BIRC6: variants seen among roughly 807,000 people sequenced by gnomAD.
BIRC6 encodes the protein baculoviral IAP repeat containing 6.
Under a neutral mutation model 503.3 loss-of-function variants are expected in BIRC6, and 98 were observed. The ratio of observed to expected loss-of-function variants is 0.19; its 90% CI spans 0.17 to 0.23. The LOEUF (loss-of-function observed/expected upper bound fraction) is 0.23. BIRC6 is among the 10% of genes least tolerant of loss of function. BIRC6 has a pLI of 1.00. For synonymous variants in BIRC6, 2,240 were observed against 2,078.7 expected (o/e 1.08, Z -2.11); for missense variants, 5,360 against 5,806.0 (o/e 0.92, Z 2.50).
chr2:32,561,934 CG>C (rs1171015559), intron 65 of BIRC6, among the ~76,000 whole-genome samples: 1 of 151,470 alleles, frequency 6.6e-6, no homozygotes, highest in Non-Finnish European at 1.5e-5. Context: ...CGCAGCTACT[CG>C]GGAGGCTGAG....
In BIRC6 at chr2:32,380,140, ATTT is replaced by A. The variant is rs759929984; in HGVS notation, c.508-9_508-7del. The stretch of plus-strand genomic sequence containing the variant: ...ATTTTCTGTGATTTTTTTATTTTTT[ATTT>A]TTTATTTAGGCACAGCAGCTCTTAT... On this transcript the variant is annotated splice_polypyrimidine_tract_variant and intron_variant, in intron 2 of 73. Transcript: ENST00000421745. 62 of 1,469,192 alleles carry A rather than the reference ATTT, an allele frequency of 4.2e-5. No individual in the cohort carries two copies. The African/African-American group carries it at 8.2e-4, about 19-fold the overall frequency. The allele number at this position is 1,469,192 out of a possible 1,614,324, so 91.0% of individuals were successfully genotyped here. A position where few individuals can be genotyped will look rare whatever the true frequency, so the allele number is the denominator to read the frequency against.
At chr2:32,369,531 G>C (rs1454222867) in intron 1 of BIRC6, among the ~76,000 whole-genome samples, 1 of 150,854 alleles carries the variant, frequency 6.6e-6, no homozygotes, top group African/African-American at 2.4e-5. Context: ...GGGTTCAAGC[G>C]TTTCTTCTGC....
intron 1 of BIRC6, among the ~76,000 whole-genome samples, chr2:32,365,767 T>A (rs941588419): frequency 6.6e-6 from 1 of 152,132 alleles, no homozygotes; most frequent in Non-Finnish European, 1.5e-5. Flanking sequence ...GTAAAAAAAT[T>A]AGGGCCCTAT....
intron 70 of BIRC6, among the ~76,000 whole-genome samples, chr2:32,600,884 T>C (rs1371107990): frequency 6.6e-6 from 1 of 152,196 alleles, no homozygotes; most frequent in Non-Finnish European, 1.5e-5. Context: ...GTCCCAAGAA[T>C]GCTCTAAAGC....
chr2:32,607,374 G>A, intron 71 of BIRC6, 81 bp from the exon 72 acceptor site: 1 of 973,134 alleles, frequency 1.0e-6, no homozygotes. Flanking sequence ...TTAAAGAAGA[G>A]TCTTTGTGGA....
intron 15 of BIRC6, 123 bp from the exon 16 acceptor site, chr2:32,439,385 T>C (rs1038034750): frequency 7.4e-6 from 7 of 950,334 alleles, no homozygotes; most frequent in South Asian, 7.3e-5. Flanking sequence ...ACAGTATAAT[T>C]TGAAAGTTCT....
At chr2:32,598,573 A>G (rs2061826528) in intron 69 of BIRC6, among the ~76,000 whole-genome samples, 1 of 152,204 alleles carries the variant, frequency 6.6e-6, no homozygotes, top group African/African-American at 2.4e-5. Flanking sequence ...TTAAATTCCA[A>G]GAGTCTGCTG....
At chr2:32,393,811 G>A (rs866982357) in intron 5 of BIRC6, among the ~76,000 whole-genome samples, 1 of 152,178 alleles carries the variant, frequency 6.6e-6, no homozygotes, top group Non-Finnish European at 1.5e-5. Context: ...GTAAGCCACT[G>A]CGCCTGGCCT....
Position 32,464,791 on chromosome 2 carries a change from G to A in BIRC6, c.5224G>A (p.Ala1742Thr), listed in dbSNP as rs1191300479. 1.9e-6 allele frequency: 3 copies of A among 1,611,844 alleles called. No homozygotes were observed. Among genetic ancestry groups the A allele is most frequent in the Non-Finnish European group, 2.5e-6 (3 of 1,178,380 alleles). ...VIDPPAVNLAAHNKNSNKSRM... is the reference protein window; with the variant it reads ...VIDPPAVNLATHNKNSNKSRM... Reference sequence around the variant, plus strand: ...TGATCCCCCAGCAGTCAATCTTGCTGCACATAACAAAAATTCCAACAAGTC... The same window carrying A: ...TGATCCCCCAGCAGTCAATCTTGCTACACATAACAAAAATTCCAACAAGTC... The change falls in exon 25 of 74, where the codon GCA becomes ACA. Residue 1742 changes from alanine (A) to threonine (T), a missense_variant. Physicochemically the swap from Ala to Thr is moderately conservative, Grantham distance 58. Around this residue, in one of 16 missense-constraint regions of BIRC6, gnomAD observed 2,299 missense variants for 2,267.2 expected, o/e 1.01. Transcript: ENST00000421745.
intron 55 of BIRC6, 77 bp from the exon 56 acceptor site, chr2:32,518,177 G>T: frequency 3.0e-6 from 4 of 1,335,764 alleles, no homozygotes; most frequent in African/African-American, 3.0e-5. Context: ...CATATTTTCT[G>T]TTTCCTTTTT....
At chr2:32,398,593 T>A (rs2040245509) in intron 6 of BIRC6, among the ~76,000 whole-genome samples, 1 of 152,226 alleles carries the variant, frequency 6.6e-6, no homozygotes, top group Non-Finnish European at 1.5e-5. Context: ...TATGTACATT[T>A]ATGTATGTAA....
chr2:32,449,022 C>G (rs1309643115), intron 22 of BIRC6, 94 bp downstream of exon 22: 2 of 1,201,764 alleles, frequency 1.7e-6, no homozygotes, highest in Non-Finnish European at 2.3e-6. Flanking sequence ...GATGTTTTGT[C>G]TTTAGAAAAC....
intron 4 of BIRC6, among the ~76,000 whole-genome samples, chr2:32,391,379 G>A (rs1206035244): frequency 6.6e-6 from 1 of 152,020 alleles, no homozygotes; most frequent in East Asian, 1.9e-4. Flanking sequence ...CTGTTTTATT[G>A]GGTAATATAA....
intron 13 of BIRC6, 106 bp downstream of exon 13, chr2:32,433,910 G>T: frequency 4.5e-6 from 4 of 895,696 alleles, no homozygotes; most frequent in Non-Finnish European, 6.4e-6. Context: ...GTCCCTTGTT[G>T]CCATTTGCCT....
chr2:32,578,979 A>AATATATATATATATAT lies in BIRC6; in HGVS notation c.13355+3624_13355+3625insTATATATATATATATA, dbSNP rs1407258691. 2.7e-3 allele frequency among the ~76,000 whole-genome samples: 201 copies of AATATATATATATATAT among 74,312 alleles called. 24 individuals are homozygous for AATATATATATATATAT. The highest frequency in any genetic ancestry group is 9.8e-3 in the African/African-American group (163 of 16,554). The allele number at this position is 74,312 out of a possible 152,430, so 48.8% of individuals were successfully genotyped here. A position where few individuals can be genotyped will look rare whatever the true frequency, so the allele number is the denominator to read the frequency against. On this transcript the variant is annotated intron_variant, in intron 66 of 73. Coordinates refer to ENST00000421745, the MANE Select transcript of BIRC6 (RefSeq NM_016252.4). The stretch of plus-strand genomic sequence containing the variant: ...GTTTACTACTTATTTTTATATACCT[A>AATATATATATATATAT]ATATATATATACACTTAATATATAT...
intron 66 of BIRC6, among the ~76,000 whole-genome samples, chr2:32,590,277 C>A (rs2061318096): frequency 6.6e-6 from 1 of 152,166 alleles, no homozygotes; most frequent in Admixed American, 6.6e-5. Flanking sequence ...AAGTTTCATT[C>A]TCTTATAGTT....
chr2:32,498,484 C>G (rs975084943), intron 45 of BIRC6, among the ~76,000 whole-genome samples: 1 of 152,184 alleles, frequency 6.6e-6, no homozygotes, highest in Non-Finnish European at 1.5e-5. Flanking sequence ...CAGTTCCTTT[C>G]TTCCGTCTTT....
intron 4 of BIRC6, among the ~76,000 whole-genome samples, chr2:32,390,133 T>A (rs2039023103): frequency 6.6e-6 from 1 of 152,032 alleles, no homozygotes; most frequent in African/African-American, 2.4e-5. Context: ...GTGCTGGGAT[T>A]ACAGGCATGA....
intron 10 of BIRC6, among the ~76,000 whole-genome samples, chr2:32,425,228 C>T (rs2043355222): frequency 6.6e-6 from 1 of 151,756 alleles, no homozygotes; most frequent in Admixed American, 6.6e-5. Flanking sequence ...TGGTAGTGTC[C>T]TTTGATGCAC....
Sources: gnomAD v4.1 joint callset for allele counts (sites outside exome capture counted in the v4.1 genomes callset) on GRCh38, gnomAD v4.1.1 for gene constraint, gnomAD v4.1.1 regional missense constraint, MANE v1.5 for transcripts, NCBI Gene and HGNC (gene_info 2026-07-23, HGNC 2026-07-21) for gene names.